GOLGB1: variants seen among roughly 807,000 people sequenced by gnomAD.
GOLGB1 encodes golgin B1, also known as golgin subfamily B member 1.
In GOLGB1, 174 loss-of-function variants were observed where a neutral mutation model predicts 336.9. That is an observed-to-expected ratio of 0.52 (90% CI 0.46 to 0.59). The LOEUF (loss-of-function observed/expected upper bound fraction) is 0.59. GOLGB1 is among the 20% of genes least tolerant of loss of function. The pLI is 0.00. For synonymous variants in GOLGB1, 1,208 were observed against 1,289.2 expected, an observed-to-expected ratio of 0.94 and a Z score of 1.35; for missense variants, 3,331 against 3,645.3, an observed-to-expected ratio of 0.91 and a Z score of 2.22.
At chr3:121,667,911 G>C (rs947639591) in intron 19 of GOLGB1, 150 bp downstream of exon 19, 3 of 561,528 alleles carry the variant, frequency 5.3e-6, no homozygotes, top group Non-Finnish European at 9.6e-6. Flanking sequence ...AGTTATTATT[G>C]TTACTATTTG....
intron 1 of GOLGB1, among the ~76,000 whole-genome samples, chr3:121,741,150 T>C (rs1313784215): frequency 6.6e-6 from 1 of 152,152 alleles, no homozygotes; most frequent in African/African-American, 2.4e-5. Flanking sequence ...CAAAATGTTA[T>C]GAACGAGCAA....
intron 9 of GOLGB1, among the ~76,000 whole-genome samples, chr3:121,715,457 T>TC (rs1391628265): frequency 2.4e-4 from 35 of 146,602 alleles, no homozygotes; most frequent in African/African-American, 7.3e-4. Context: ...CCTCAGGTAA[T>TC]CCCCCCCACC....
chr3:121,718,602 G>A lies in GOLGB1; in HGVS notation c.772-101C>T, dbSNP rs189511397. On this transcript the variant is annotated intron_variant, in intron 7 of 21. Coordinates refer to ENST00000614479, the MANE Select transcript of GOLGB1 (RefSeq NM_001366282.2). The stretch of plus-strand genomic sequence containing the variant: ...TAGATTTGTATACTTAAATTTTGGG[G>A]TGTTGAAAATGACAGTTTAAAGAGT... The A allele has an allele frequency of 8.7e-5, 75 of 862,358 alleles. 1 individual carries two copies. In the African/African-American group the frequency reaches 1.0e-3, roughly 12 times the overall value. The allele number at this position is 862,358 out of a possible 1,614,324, so 53.4% of individuals were successfully genotyped here. A position where few individuals can be genotyped will look rare whatever the true frequency, so the allele number is the denominator to read the frequency against.
chr3:121,732,768 C>T (rs1946201634), intron 1 of GOLGB1, among the ~76,000 whole-genome samples: 1 of 152,160 alleles, frequency 6.6e-6, no homozygotes, highest in Non-Finnish European at 1.5e-5. Context: ...TTACAGCCAA[C>T]ATCATAATTA....
chr3:121,705,660 T>A (rs149874642), intron 10 of GOLGB1, among the ~76,000 whole-genome samples: 134 of 152,136 alleles, frequency 8.8e-4, no homozygotes, highest in Non-Finnish European at 1.5e-3. Flanking sequence ...AAAAGTCACG[T>A]AAAGAGAAAA....
intron 14 of GOLGB1, among the ~76,000 whole-genome samples, chr3:121,689,052 C>T (rs1184730293): frequency 1.6e-4 from 24 of 149,538 alleles, no homozygotes; most frequent in Non-Finnish European, 3.0e-4. Flanking sequence ...CCGCCCCGTC[C>T]GGGAGGGAGG....
chr3:121,698,542 C>T lies in GOLGB1; in HGVS notation c.1981G>A (p.Asp661Asn), dbSNP rs1351617308. 6.2e-7 allele frequency: 1 copy of T among 1,613,882 alleles called. No homozygotes were observed. The highest frequency in any genetic ancestry group is 8.5e-7 in the Non-Finnish European group (1 of 1,179,852). Residue 661 changes from aspartate to asparagine, a missense_variant, in exon 13 of 22, where the codon GAT becomes AAT. Transcript: ENST00000614479. ...SRTSEEISLNDAGVELKSTKQ... is the reference protein window; with the variant it reads ...SRTSEEISLNNAGVELKSTKQ... ...GTTGATTTCAATTCTACTCCAGCAT[C>T]ATTTAAAGATATTTCCTCAGATGTT...
chr3:121,698,058 T>C lies in GOLGB1; in HGVS notation c.2465A>G (p.Asn822Ser), dbSNP rs1943100655. 6.2e-7 allele frequency: 1 copy of C among 1,613,972 alleles called. No homozygotes were observed. Among genetic ancestry groups the C allele is most frequent in the Admixed American group, 1.7e-5 (1 of 60,008 alleles). The part of the protein sequence containing the change: ...SKDVKIEVLQ[N>S]ELDDVQLQFS... Reference sequence around the variant, plus strand: ...CTGAAGCTGCACATCATCCAGTTCATTCTGTAAAACTTCAATTTTCACATC... The same window carrying C: ...CTGAAGCTGCACATCATCCAGTTCACTCTGTAAAACTTCAATTTTCACATC... Residue 822 changes from asparagine to serine, a missense_variant, in exon 13 of 22, where the codon AAT (asparagine) becomes AGT (serine). Physicochemically the swap from Asn to Ser is conservative, Grantham distance 46 (BLOSUM62 1). Coordinates refer to ENST00000614479, the MANE Select transcript of GOLGB1 (RefSeq NM_001366282.2).
At chr3:121,703,026 A>C (rs1260184024) in intron 10 of GOLGB1, among the ~76,000 whole-genome samples, 1 of 152,236 alleles carries the variant, frequency 6.6e-6, no homozygotes, top group Non-Finnish European at 1.5e-5. Context: ...TGTACCTCTT[A>C]AGAAAGGAAG....
intron 5 of GOLGB1, among the ~76,000 whole-genome samples, chr3:121,726,451 A>G (rs1028550570): frequency 1.5e-4 from 22 of 148,514 alleles, no homozygotes; most frequent in Admixed American, 1.1e-3. Context: ...AAAAAAAAAA[A>G]AAAGAAAAGA....
chr3:121,702,704 A>C, intron 10 of GOLGB1, 109 bp from the exon 11 acceptor site: 1 of 418,814 alleles, frequency 2.4e-6, no homozygotes, highest in Non-Finnish European at 4.3e-6. Context: ...CCAGCCATGA[A>C]AATACTTTAA....
At position 121,724,394 on chromosome 3, in the gene GOLGB1, T is replaced by A. The variant is rs72626326; in HGVS notation, c.532-2016A>T. Among the ~76,000 whole-genome samples, 3,391 of 152,202 alleles carry A rather than the reference T, an allele frequency of 0.022. 475 individuals are homozygous for A. In the East Asian group the frequency reaches 0.4, roughly 18 times the overall value. On this transcript the variant is annotated intron_variant, in intron 5 of 21. Transcript: ENST00000614479. ...CCTTGCTATAAATTAGCAATGAACTTGGCTGAACTTGTCCAGTTTTTGTAT... is the reference window on the plus strand; with the variant it reads ...CCTTGCTATAAATTAGCAATGAACTAGGCTGAACTTGTCCAGTTTTTGTAT...
intron 17 of GOLGB1, among the ~76,000 whole-genome samples, chr3:121,675,211 T>C (rs972974621): frequency 1.4e-4 from 21 of 152,226 alleles, no homozygotes; most frequent in African/African-American, 4.8e-4. Context: ...CTATGCAGTG[T>C]TTCTCACACT....
chr3:121,735,569 T>A (rs1237826730), intron 1 of GOLGB1, among the ~76,000 whole-genome samples: 1 of 152,092 alleles, frequency 6.6e-6, no homozygotes, highest in Non-Finnish European at 1.5e-5. Context: ...AGTAAGTAAA[T>A]TGTAGATAAT....
At chr3:121,724,940 C>T (rs531825486) in intron 5 of GOLGB1, among the ~76,000 whole-genome samples, 3 of 152,146 alleles carry the variant, frequency 2.0e-5, no homozygotes, top group Non-Finnish European at 4.4e-5. Flanking sequence ...TCAAAAGGTA[C>T]GAGTTGTAAA....
chr3:121,715,361 C>G (rs1227412986), intron 9 of GOLGB1, among the ~76,000 whole-genome samples: 1 of 149,732 alleles, frequency 6.7e-6, no homozygotes, highest in Non-Finnish European at 1.5e-5. Context: ...CGTCACCATG[C>G]CTGGCTAATT....
chr3:121,679,942 G>T (rs1189293320), intron 15 of GOLGB1, among the ~76,000 whole-genome samples: 2 of 152,154 alleles, frequency 1.3e-5, no homozygotes, highest in Non-Finnish European at 2.9e-5. Flanking sequence ...TGGACTTTGA[G>T]TACTACCCAG....
At chr3:121,706,314 A>G (rs987890797) in intron 10 of GOLGB1, among the ~76,000 whole-genome samples, 2 of 152,200 alleles carry the variant, frequency 1.3e-5, no homozygotes, top group African/African-American at 4.8e-5. Context: ...AAAAAGCTCA[A>G]TGAACCCCAA....
At chr3:121,744,441 CAAAAAA>C (rs11290154) in intron 1 of GOLGB1, among the ~76,000 whole-genome samples, 1 of 73,096 alleles carries the variant, frequency 1.4e-5, no homozygotes, top group African/African-American at 5.3e-5. Context: ...ACTGTCTCTA[CAAAAAA>C]AAAAAAAAAA....
Sources: gnomAD v4.1 joint callset for allele counts (sites outside exome capture counted in the v4.1 genomes callset) on GRCh38, gnomAD v4.1.1 for gene constraint, MANE v1.5 for transcripts, NCBI Gene and HGNC (gene_info 2026-07-23, HGNC 2026-07-21) for gene names.